ROS1: variants seen among roughly 807,000 people sequenced by gnomAD.
ROS1 encodes the protein ROS proto-oncogene 1, receptor tyrosine kinase, also known as proto-oncogene tyrosine-protein kinase ROS.
ROS1 carries 263 observed loss-of-function variants against 273.5 expected under a neutral mutation model. The ratio of observed to expected loss-of-function variants is 0.96; its 90% CI spans 0.87 to 1.06. ROS1 has a LOEUF of 1.06. Among genes scored for constraint, ROS1 ranks in the 50% least tolerant of loss-of-function variants. The pLI is 0.00. For missense variants in ROS1, 2,833 were observed against 2,751.1 expected (o/e 1.03, Z -0.67); for synonymous variants, 1,008 against 954.1 (o/e 1.06, Z -1.04).
intron 43 of ROS1, among the ~76,000 whole-genome samples, chr6:117,289,098 C>G (rs963289409): frequency 6.6e-6 from 1 of 152,190 alleles, no homozygotes; most frequent in African/African-American, 2.4e-5. Flanking sequence ...AGTAGGAGCA[C>G]AGGGGTGATT....
In ROS1 at chr6:117,288,773, A is replaced by G. The variant is rs547573917; in HGVS notation, c.6745T>C (p.Ser2249Pro). ...GEDGDVICLN[S>P]DDIMPVALME... ...AAAGCAACTGGCATAATGTCATCTGAATTCAAACAAATCACATCGCCATCT... is the reference window on the plus strand; with the variant it reads ...AAAGCAACTGGCATAATGTCATCTGGATTCAAACAAATCACATCGCCATCT... The change falls in exon 44 of 44, where the codon TCA (serine) becomes CCA (proline). Residue 2249 changes from serine to proline, a missense_variant. Physicochemically the swap from Ser to Pro is moderately conservative, Grantham distance 74. Coordinates refer to ENST00000368507, the MANE Select transcript of ROS1 (RefSeq NM_001378902.1). 25 of 1,605,800 alleles carry G rather than the reference A, an allele frequency of 1.6e-5. No homozygotes were observed. In the East Asian group the frequency reaches 4.7e-4, roughly 30 times the overall value.
At chr6:117,375,834 A>C (rs1458663860) in intron 18 of ROS1, among the ~76,000 whole-genome samples, 1 of 152,150 alleles carries the variant, frequency 6.6e-6, no homozygotes, top group East Asian at 1.9e-4. Flanking sequence ...CAAATACATT[A>C]ACCAAAAAGA....
At chr6:117,417,175 AT>A (rs1775401661) in intron 2 of ROS1, among the ~76,000 whole-genome samples, 1 of 152,086 alleles carries the variant, frequency 6.6e-6, no homozygotes, top group Admixed American at 6.6e-5. Context: ...AGATGTCTCC[AT>A]TTAAGTTCCT....
At chr6:117,318,364 A>G (rs1461397995) in intron 37 of ROS1, 112 bp from the exon 38 acceptor site, 12 of 765,082 alleles carry the variant, frequency 1.6e-5, no homozygotes, top group Non-Finnish European at 2.5e-5. Flanking sequence ...GAAAGCTGGA[A>G]ACAGATCGTA....
At chr6:117,351,920 T>C (rs1778897626) in intron 27 of ROS1, among the ~76,000 whole-genome samples, 1 of 152,220 alleles carries the variant, frequency 6.6e-6, no homozygotes, top group Non-Finnish European at 1.5e-5. Flanking sequence ...TTTTAACATT[T>C]TTCAATTTAC....
chr6:117,388,640 C>T (rs1582819800), intron 13 of ROS1, among the ~76,000 whole-genome samples: 1 of 152,266 alleles, frequency 6.6e-6, no homozygotes, highest in East Asian at 1.9e-4. Flanking sequence ...ACTACAACGA[C>T]ATAATTGAGT....
At position 117,310,316 on chromosome 6, in the gene ROS1, TAAC is replaced by T. The variant is rs748435127; in HGVS notation, c.6216-38_6216-36del. ...AAGTTATATTTAATAATAATAATAATAACAACAATAAAGTTCCAGAAATCAAAG... is the reference window on the plus strand; with the variant it reads ...AAGTTATATTTAATAATAATAATAATAACAATAAAGTTCCAGAAATCAAAG... On this transcript the variant is annotated intron_variant, in intron 40 of 43. Coordinates refer to ENST00000368507, the MANE Select transcript of ROS1 (RefSeq NM_001378902.1). 16 of 1,379,896 alleles carry T rather than the reference TAAC, an allele frequency of 1.2e-5. No individual in the cohort carries two copies. In the South Asian group the frequency reaches 1.2e-4, roughly 11 times the overall value. The allele number at this position is 1,379,896 out of a possible 1,614,324, so 85.5% of individuals were successfully genotyped here.
rs775819245 is a variant in ROS1 at position 117,321,275 on chromosome 6, C to CATT, written c.5740_5742dup (p.Asn1914dup). On this transcript the variant is annotated inframe_insertion, in exon 36 of 44. Coordinates refer to ENST00000368507, the MANE Select transcript of ROS1 (RefSeq NM_001378902.1). ...GCTACATACTGTATTGCATAGCAGG[C>CATT]ATTAGCCAGGCCTACTCCGGCTGCC... is the stretch of plus-strand genomic sequence containing the variant. 3.7e-6 allele frequency: 6 copies of CATT among 1,613,752 alleles called. No homozygotes were observed. The highest frequency in any genetic ancestry group is 5.1e-6 in the Non-Finnish European group (6 of 1,179,848).
rs1365408486 is a variant in ROS1 at position 117,356,742 on chromosome 6, T to C, written c.4013A>G (p.Asp1338Gly). ...EFELSGAMAI[D>G]TSNLEKPLIY... The stretch of plus-strand genomic sequence containing the variant: ...CAATGGTTTCTCTAGGTTAGAGGTA[T>C]CAATAGCCATTGCTCCACTTAACTC... The change falls in exon 26 of 44, where the codon GAT (aspartate) becomes GGT (glycine). Residue 1338 changes from aspartate (D) to glycine (G), a missense_variant. By Grantham distance (94) the Asp-to-Gly change is moderately conservative (BLOSUM62 -1). Coordinates refer to ENST00000368507, the MANE Select transcript of ROS1 (RefSeq NM_001378902.1). 6.2e-7 allele frequency: 1 copy of C among 1,614,182 alleles called. No individual in the cohort carries two copies. The highest frequency in any genetic ancestry group is 8.5e-7 in the Non-Finnish European group (1 of 1,180,016).
Position 117,378,298 on chromosome 6 carries a change from T to C in ROS1, c.2582+761A>G, listed in dbSNP as rs1285606884. Among the ~76,000 whole-genome samples the C allele has an allele frequency of 3.9e-5, 6 of 152,288 alleles. No individual in the cohort carries two copies. The East Asian group carries it at 1.2e-3, about 29-fold the overall frequency. ...ATGCATAGAATGGATACACAGACAG[T>C]GGTATCTTCACACAATGGAATACCA... On this transcript the variant is annotated intron_variant, in intron 18 of 43. Transcript: ENST00000368507.
At position 117,362,634 on chromosome 6, in the gene ROS1, C is replaced by G; in HGVS notation, c.3335G>C (p.Gly1112Ala). 1.2e-6 allele frequency: 2 copies of G among 1,613,498 alleles called. No homozygotes were observed. Among genetic ancestry groups the G allele is most frequent in the South Asian group, 1.1e-5 (1 of 91,034 alleles). The change falls in exon 22 of 44, where the codon GGC (glycine) becomes GCC (alanine). Residue 1112 changes from glycine to alanine, a missense_variant. Physicochemically the swap from Gly to Ala is moderately conservative, Grantham distance 60. Transcript: ENST00000368507. ...TPSVMSFQLE[G>A]MSPRCFIAFQ... ...GGCAATAAAGCATCTGGGACTCATG[C>G]CTTCAAGTTGAAAAGACATCACTGA...
At chr6:117,296,826 AG>A (rs563462167) in intron 43 of ROS1, among the ~76,000 whole-genome samples, 1 of 152,346 alleles carries the variant, frequency 6.6e-6, no homozygotes, top group East Asian at 1.9e-4. Flanking sequence ...TGTAACACAA[AG>A]GATAAATGCT....
At chr6:117,358,617 G>A (rs777724463) in intron 24 of ROS1, among the ~76,000 whole-genome samples, 2 of 151,916 alleles carry the variant, frequency 1.3e-5, no homozygotes, top group African/African-American at 2.4e-5. Context: ...GCACCACCAC[G>A]TCCAGCTAAT....
intron 27 of ROS1, among the ~76,000 whole-genome samples, chr6:117,346,142 C>T (rs1232415858): frequency 6.6e-6 from 1 of 152,102 alleles, no homozygotes; most frequent in Non-Finnish European, 1.5e-5. Context: ...GAGCAATTAT[C>T]TAATTCAAAA....
Position 117,288,506 on chromosome 6 carries a change from C to G in ROS1, c.7012G>C (p.Asp2338His), listed in dbSNP as rs766555708. ...AAACAACGCTATTAATCAGACCCAT[C>G]TCCATATCCACTGTGAGTGAGACAG... is the stretch of plus-strand genomic sequence containing the variant. ...YACLTHSGYG[D>H]GSD The change falls in exon 44 of 44, where the codon GAT (aspartate) becomes CAT (histidine). Residue 2338 changes from aspartate (D) to histidine (H), a missense_variant. Physicochemically the swap from Asp to His is moderately conservative, Grantham distance 81. Transcript: ENST00000368507. 6.2e-7 allele frequency: 1 copy of G among 1,612,584 alleles called. No homozygotes were observed. The highest frequency in any genetic ancestry group is 8.5e-7 in the Non-Finnish European group (1 of 1,179,576).
intron 18 of ROS1, 54 bp downstream of exon 18, chr6:117,379,005 T>C: frequency 9.4e-7 from 1 of 1,060,280 alleles, no homozygotes; most frequent in Non-Finnish European, 1.4e-6. Context: ...GCATTATCAT[T>C]TATGACTGAC....
rs1562267809 is a variant in ROS1 at position 117,320,007 on chromosome 6, A to C, written c.5783T>G (p.Ile1928Ser). ...AIHTLPTQEEIENLPAFPREK... is the reference protein window; with the variant it reads ...AIHTLPTQEESENLPAFPREK... The stretch of plus-strand genomic sequence containing the variant: ...CCGAGGGAAGGCAGGAAGATTTTCA[A>C]TCTCCTCTTGGGTTGGAAGAGTACT... The change falls in exon 37 of 44, where the codon ATT becomes AGT. Residue 1928 changes from isoleucine (I) to serine (S), a missense_variant. Physicochemically the swap from Ile to Ser is moderately radical, Grantham distance 142 (BLOSUM62 -2). Transcript: ENST00000368507. 1 of 1,613,230 alleles carries C rather than the reference A, an allele frequency of 6.2e-7. No individual in the cohort carries two copies.
intron 39 of ROS1, among the ~76,000 whole-genome samples, chr6:117,315,654 T>TA (rs925995073): frequency 5.3e-5 from 8 of 151,886 alleles, no homozygotes; most frequent in African/African-American, 1.2e-4. Context: ...TCTCAAAAAT[T>TA]AAAAAAAAGC....
intron 33 of ROS1, 108 bp from the exon 34 acceptor site, chr6:117,326,522 A>T (rs1371761534): frequency 1.5e-6 from 1 of 651,012 alleles, no homozygotes; most frequent in East Asian, 3.1e-5. Context: ...CCTTTGGCAC[A>T]ATTTACCCTT....
Sources: allele counts gnomAD v4.1 joint callset (sites outside exome capture counted in the v4.1 genomes callset), GRCh38; gene constraint gnomAD v4.1.1; transcripts MANE v1.5; gene names NCBI Gene and HGNC (gene_info 2026-07-23, HGNC 2026-07-21).